SLC35D1: variants seen among roughly 807,000 people sequenced by gnomAD.
SLC35D1 encodes the protein solute carrier family 35 member D1.
In SLC35D1, 31 loss-of-function variants were observed where a neutral mutation model predicts 46.7. The ratio of observed to expected loss-of-function variants is 0.66; its 90% CI spans 0.50 to 0.90. SLC35D1 has a LOEUF of 0.90. Among genes scored for constraint, SLC35D1 ranks in the 40% least tolerant of loss-of-function variants. SLC35D1 has a pLI of 0.00. For missense variants in SLC35D1, 397 were observed against 426.2 expected, an observed-to-expected ratio of 0.93 and a Z score of 0.60; for synonymous variants, 195 against 164.6, an observed-to-expected ratio of 1.18 and a Z score of -1.41.
At chr1:67,022,820 C>T (rs1411495716) in intron 8 of SLC35D1, among the ~76,000 whole-genome samples, 1 of 152,168 alleles carries the variant, frequency 6.6e-6, no homozygotes, top group Non-Finnish European at 1.5e-5. Flanking sequence ...AAAGTTCCCT[C>T]CTCCCCATTG....
At chr1:67,053,099 C>T (rs1181741444) in intron 1 of SLC35D1, 110 bp from the exon 2 acceptor site, 1 of 1,243,230 alleles carries the variant, frequency 8.0e-7, no homozygotes, top group Non-Finnish European at 1.2e-6. Context: ...CAAGCCACAT[C>T]AACGTCCGCC....
chr1:66,987,276 T>C, the SLC35D1 span: 3 of 152,846 alleles, frequency 2.0e-5, no homozygotes, highest in Admixed American at 1.3e-4. Context: ...TAAAAAGTTT[T>C]AGTAATATCA....
At chr1:67,012,225 A>T (rs936061328) in intron 10 of SLC35D1, among the ~76,000 whole-genome samples, 4 of 152,342 alleles carry the variant, frequency 2.6e-5, no homozygotes, top group Non-Finnish European at 5.9e-5. Context: ...GTCCAGTCCC[A>T]TGAGGGCCTA....
the SLC35D1 span, chr1:66,982,040 C>A: frequency 1.1e-6 from 1 of 936,546 alleles, no homozygotes. Context: ...AATGATAACA[C>A]ATGAGACAAA....
the SLC35D1 span, chr1:66,987,537 A>T: frequency 6.5e-6 from 1 of 152,716 alleles, no homozygotes; most frequent in Admixed American, 6.5e-5. Flanking sequence ...GTAATATTTA[A>T]ATAGGCATTT....
At position 67,020,460 on chromosome 1, in the gene SLC35D1, A is replaced by C. The variant is rs1667774013; in HGVS notation, c.798-13T>G. On this transcript the variant is annotated splice_polypyrimidine_tract_variant and intron_variant, in intron 9 of 11. Transcript: ENST00000235345. ...CATTAAGATAAACCTAGAATGAAGA[A>C]AGAGGTATAAAATCCAGTTTCTCAC... The C allele has an allele frequency of 1.3e-6, 2 of 1,573,034 alleles. No individual in the cohort carries two copies. Among genetic ancestry groups the C allele is most frequent in the Non-Finnish European group, 1.7e-6 (2 of 1,143,002 alleles).
At chr1:67,036,683 T>C (rs540164621) in intron 8 of SLC35D1, among the ~76,000 whole-genome samples, 1 of 151,496 alleles carries the variant, frequency 6.6e-6, no homozygotes, top group East Asian at 2.0e-4. Flanking sequence ...GTGAAGTGTG[T>C]GTCTTGTAAG....
At chr1:67,024,478 A>C (rs1460424927) in intron 8 of SLC35D1, among the ~76,000 whole-genome samples, 2 of 152,330 alleles carry the variant, frequency 1.3e-5, no homozygotes, top group South Asian at 4.1e-4. Context: ...GCCATAACAA[A>C]GCACCACAAA....
intron 11 of SLC35D1, among the ~76,000 whole-genome samples, chr1:67,008,002 T>A (rs1004168298): frequency 1.3e-5 from 2 of 152,210 alleles, no homozygotes; most frequent in African/African-American, 4.8e-5. Context: ...TTAGTACTGG[T>A]CAACAAGATT....
At chr1:67,007,418 T>C (rs1212779577) in intron 11 of SLC35D1, among the ~76,000 whole-genome samples, 1 of 152,074 alleles carries the variant, frequency 6.6e-6, no homozygotes, top group Non-Finnish European at 1.5e-5. Flanking sequence ...CCTAATACCA[T>C]GACTTTGGGA....
In SLC35D1 at chr1:67,002,375, T is replaced by C. The variant is rs1667357153; in HGVS notation, c.*1965A>G. ...GTGCTCAAGTGAACTCAGGATCTGT[T>C]TCCTTACTCCCTCAGAGGGGAAGGG... On this transcript the variant is annotated 3_prime_UTR_variant, in exon 12 of 12. Transcript: ENST00000235345. 2 of 152,342 alleles carry C rather than the reference T, an allele frequency of 1.3e-5. No individual in the cohort carries two copies. The highest frequency in any genetic ancestry group is 4.8e-5 in the African/African-American group (2 of 41,442). 9.4% of individuals were successfully genotyped at this position (152,342 alleles called of 1,614,324 possible). A position where few individuals can be genotyped will look rare whatever the true frequency, so the allele number is the denominator to read the frequency against.
At chr1:67,050,359 A>G (rs1433292987) in intron 5 of SLC35D1, 74 bp downstream of exon 5, 2 of 1,134,004 alleles carry the variant, frequency 1.8e-6, no homozygotes, top group Non-Finnish European at 2.7e-6. Context: ...AAGACAAATA[A>G]TTTAATATCT....
the SLC35D1 span, chr1:66,976,663 T>C: frequency 6.2e-7 from 1 of 1,607,998 alleles, no homozygotes; most frequent in Admixed American, 1.7e-5. Flanking sequence ...AACGTTATGA[T>C]TTCTTTGCTC....
intron 8 of SLC35D1, among the ~76,000 whole-genome samples, chr1:67,033,831 G>A (rs1209657569): frequency 6.6e-6 from 1 of 152,104 alleles, no homozygotes; most frequent in African/African-American, 2.4e-5. Context: ...TTTTAGATAA[G>A]TCTTTAATCC....
chr1:67,044,333 A>ATC (rs1645227384), intron 7 of SLC35D1, among the ~76,000 whole-genome samples: 1 of 134,644 alleles, frequency 7.4e-6, no homozygotes, highest in Non-Finnish European at 1.6e-5. Flanking sequence ...ACTCCATCTG[A>ATC]AAAAAAAAAA....
chr1:67,010,548 A>G lies in SLC35D1; in HGVS notation c.877-1381T>C, dbSNP rs189962837. Among the ~76,000 whole-genome samples the G allele has an allele frequency of 3.3e-5, 5 of 152,310 alleles. No homozygotes were observed. In the East Asian group the frequency reaches 5.8e-4, roughly 18 times the overall value. On this transcript the variant is annotated intron_variant, in intron 10 of 11. Coordinates refer to ENST00000235345, the MANE Select transcript of SLC35D1 (RefSeq NM_015139.3). ...TATCCTAAGACCATAAAAACAAAAA[A>G]TAAGTTTCTAAAATTTAAACTAGAG...
the SLC35D1 span, chr1:66,988,291 T>C: frequency 6.6e-6 from 1 of 152,346 alleles, no homozygotes; most frequent in Non-Finnish European, 1.5e-5. Flanking sequence ...CTGTATCACA[T>C]AATTCTACTG....
chr1:67,051,976 A>G, intron 4 of SLC35D1, 36 bp downstream of exon 4: 1 of 1,339,056 alleles, frequency 7.5e-7, no homozygotes, highest in Non-Finnish European at 1.1e-6. Flanking sequence ...AGAATACATT[A>G]TATTAACCTC....
Position 67,040,372 on chromosome 1 carries a change from T to C in SLC35D1, c.729+1864A>G, listed in dbSNP as rs116788452. 2.5e-3 allele frequency among the ~76,000 whole-genome samples: 375 copies of C among 152,258 alleles called. 3 individuals are homozygous for C. The highest frequency in any genetic ancestry group is 8.2e-3 in the African/African-American group (339 of 41,528). On this transcript the variant is annotated intron_variant, in intron 8 of 11. Transcript: ENST00000235345. ...CTTGTGTCTAGCATTGGTCCTAATT[T>C]AGAAGGAATCAGGGTGTGATATGGT... is the stretch of plus-strand genomic sequence containing the variant.
Sources: gnomAD v4.1 joint callset for allele counts (sites outside exome capture counted in the v4.1 genomes callset) on GRCh38, gnomAD v4.1.1 for gene constraint, MANE v1.5 for transcripts, NCBI Gene and HGNC (gene_info 2026-07-23, HGNC 2026-07-21) for gene names.